The following SVEP1 variants were observed in gnomAD, a reference collection of about 807,000 sequenced individuals.
SVEP1 encodes sushi, von Willebrand factor type A, EGF and pentraxin domain-containing protein 1.
Under a neutral mutation model 367.3 loss-of-function variants are expected in SVEP1, and 164 were observed. That is an observed-to-expected ratio of 0.45 (90% CI 0.39 to 0.51). The LOEUF (loss-of-function observed/expected upper bound fraction) is 0.51, where lower values mean the gene tolerates loss of function less well. SVEP1 is among the 20% of genes least tolerant of loss of function. The pLI, the probability that SVEP1 is intolerant of heterozygous loss-of-function variation, is 0.00. For missense variants in SVEP1, 4,117 were observed against 4,425.3 expected (o/e 0.93, Z 1.98); for synonymous variants, 1,666 against 1,611.6 (o/e 1.03, Z -0.81).
chr9:110,517,406 T>C (rs1829818686), intron 3 of SVEP1, among the ~76,000 whole-genome samples: 1 of 152,008 alleles, frequency 6.6e-6, no homozygotes, highest in Non-Finnish European at 1.5e-5. Context: ...AAGACTGCCC[T>C]GGCCAACATG....
chr9:110,528,631 C>T (rs956496132), intron 3 of SVEP1, among the ~76,000 whole-genome samples: 2 of 151,604 alleles, frequency 1.3e-5, no homozygotes, highest in Non-Finnish European at 3.0e-5. Flanking sequence ...AGTTGATTGT[C>T]TACTTTTTAA....
intron 3 of SVEP1, among the ~76,000 whole-genome samples, chr9:110,531,937 A>G (rs1304989781): frequency 1.3e-5 from 2 of 152,136 alleles, no homozygotes; most frequent in African/African-American, 4.8e-5. Flanking sequence ...GCCACTTCCT[A>G]TTGTTGAACT....
intron 1 of SVEP1, among the ~76,000 whole-genome samples, chr9:110,552,880 A>C (rs538846905): frequency 1.1e-4 from 16 of 152,252 alleles, no homozygotes; most frequent in African/African-American, 3.4e-4. Context: ...TATTCCAGAG[A>C]GGTATAGCAG....
chr9:110,466,993 G>A (rs1356561017), intron 17 of SVEP1, among the ~76,000 whole-genome samples: 1 of 152,018 alleles, frequency 6.6e-6, no homozygotes, highest in African/African-American at 2.4e-5. Context: ...CTTTCTTTCT[G>A]CTTTTGACCT....
intron 9 of SVEP1, among the ~76,000 whole-genome samples, chr9:110,485,214 G>T (rs939843052): frequency 6.6e-6 from 1 of 152,182 alleles, no homozygotes; most frequent in Non-Finnish European, 1.5e-5. Flanking sequence ...ACTGGATAAA[G>T]AAATTGTGGT....
rs1830095233 is a variant in SVEP1 at position 110,537,714 on chromosome 9, T to C, written c.964+8401A>G. On this transcript the variant is annotated intron_variant, in intron 3 of 47. Transcript: ENST00000374469. The stretch of plus-strand genomic sequence containing the variant: ...TATAATATTTAGATTTTAGTAGGTA[T>C]ATTTGAAACTGATACAATAATTTTA... 2.0e-5 allele frequency among the ~76,000 whole-genome samples: 3 copies of C among 151,976 alleles called. No individual in the cohort carries two copies. In the South Asian group the frequency reaches 6.2e-4, roughly 31 times the overall value.
rs374900472 is a variant in SVEP1 at position 110,570,970 on chromosome 9, CTTTTT to C, written c.531+8038_531+8042del. The stretch of plus-strand genomic sequence containing the variant: ...AGACATATACTCTTCCAGATGGCTC[CTTTTT>C]TTTTTTTTTTTTTTTTTTTTGAGAC... On this transcript the variant is annotated intron_variant, in intron 1 of 47. Transcript: ENST00000374469. Among the ~76,000 whole-genome samples, 795 of 114,950 alleles carry C rather than the reference CTTTTT, an allele frequency of 6.9e-3. 7 individuals are homozygous for C. Among genetic ancestry groups the C allele is most frequent in the African/African-American group, 0.022 (693 of 32,210 alleles). 75.4% of individuals were successfully genotyped at this position (114,950 alleles called of 152,430 possible).
rs141298245 is a variant in SVEP1, at chr9:110,521,359, G to C, written c.965-7253C>G. On this transcript the variant is annotated intron_variant, in intron 3 of 47. Transcript: ENST00000374469. ...GAGTACAGACTATTTGGACAAAGTTGTGAATCTGAACCCTGATGTGGTGCC... is the reference window on the plus strand; with the variant it reads ...GAGTACAGACTATTTGGACAAAGTTCTGAATCTGAACCCTGATGTGGTGCC... 1.8e-4 allele frequency among the ~76,000 whole-genome samples: 28 copies of C among 152,274 alleles called. No homozygotes were observed. In the East Asian group the frequency reaches 3.3e-3, roughly 18 times the overall value.
intron 12 of SVEP1, among the ~76,000 whole-genome samples, chr9:110,480,737 C>T (rs78114899): frequency 0.028 from 4,256 of 151,970 alleles, 193 homozygotes; most frequent in African/African-American, 0.097. Context: ...GCTCAAGCGA[C>T]TTTCCCAACT....
At position 110,550,090 on chromosome 9, in the gene SVEP1, A is replaced by G; in HGVS notation, c.546T>C (p.His182=). The change falls in exon 2 of 48, where the codon CAT becomes CAC. Residue 182 remains histidine, a synonymous_variant. Coordinates refer to ENST00000374469, the MANE Select transcript of SVEP1 (RefSeq NM_153366.4). ...AFQQAAQILL[H]ARENSTKVVF... ...CAACTTTTGTTGAGTTTTCTCTAGC[A>G]TGAAGAAGAATTTGCTGTAATGAAA... The G allele has an allele frequency of 6.2e-7, 1 of 1,613,872 alleles. No homozygotes were observed. Among genetic ancestry groups the G allele is most frequent in the Non-Finnish European group, 8.5e-7 (1 of 1,179,724 alleles).
chr9:110,381,742 T>A (rs998940084), intron 43 of SVEP1, among the ~76,000 whole-genome samples: 7 of 152,198 alleles, frequency 4.6e-5, no homozygotes, highest in Non-Finnish European at 1.0e-4. Context: ...GTCCTGAATA[T>A]CCTTGTTAAT....
At chr9:110,573,568 T>A (rs1384453466) in intron 1 of SVEP1, among the ~76,000 whole-genome samples, 1 of 150,084 alleles carries the variant, frequency 6.7e-6, no homozygotes, top group Admixed American at 6.6e-5. Context: ...GAAAGCAGAT[T>A]TTTTTTTTTT....
intron 24 of SVEP1, among the ~76,000 whole-genome samples, chr9:110,448,973 G>C (rs1828649015): frequency 6.6e-6 from 1 of 152,180 alleles, no homozygotes; most frequent in Non-Finnish European, 1.5e-5. Flanking sequence ...GGGAAATGTT[G>C]CAATTGGGCT....
chr9:110,435,991 C>T (rs1392503584), intron 28 of SVEP1, among the ~76,000 whole-genome samples: 2 of 151,866 alleles, frequency 1.3e-5, no homozygotes, highest in East Asian at 1.9e-4. Context: ...GCCACTAGGT[C>T]GTATGTTGCT....
intron 3 of SVEP1, among the ~76,000 whole-genome samples, chr9:110,514,764 T>C (rs913320046): frequency 4.6e-5 from 7 of 151,892 alleles, no homozygotes; most frequent in African/African-American, 1.7e-4. Flanking sequence ...CCTCAATAGA[T>C]AAAAAAAACT....
Position 110,471,380 on chromosome 9 carries a change from C to T in SVEP1, c.2982G>A (p.Leu994=). The change falls in exon 16 of 48, where the codon CTG becomes CTA. Residue 994 remains leucine, a synonymous_variant. Transcript: ENST00000374469. ...CAGTCTTACCACACATACGCCCTCT[C>T]AGCACTGAGCCTGGTCTGCAGAAGG... The part of the protein sequence containing the change: ...ASPFCRPGSV[L]RGRMCVNCPL... 2 of 1,613,928 alleles carry T rather than the reference C, an allele frequency of 1.2e-6. No individual in the cohort carries two copies. Among genetic ancestry groups the T allele is most frequent in the Non-Finnish European group, 1.7e-6 (2 of 1,179,850 alleles).
intron 10 of SVEP1, among the ~76,000 whole-genome samples, chr9:110,483,296 C>T (rs1829195366): frequency 6.6e-6 from 1 of 152,126 alleles, no homozygotes; most frequent in African/African-American, 2.4e-5. Context: ...TCTAGAGCAA[C>T]ATAAGCTTGG....
chr9:110,393,751 C>T (rs1020187524), intron 40 of SVEP1, among the ~76,000 whole-genome samples: 14 of 152,226 alleles, frequency 9.2e-5, no homozygotes, highest in African/African-American at 2.4e-4. Flanking sequence ...CACAGAGTCT[C>T]ACTCATTGCT....
intron 1 of SVEP1, among the ~76,000 whole-genome samples, chr9:110,578,609 ATAACATAACTT>A (rs1357928290): frequency 1.3e-5 from 2 of 152,206 alleles, no homozygotes; most frequent in African/African-American, 4.8e-5. Flanking sequence ...CATTGAAAGC[ATAACATAACTT>A]TAAAAAGAAT....
Sources: gnomAD v4.1 joint callset for allele counts (sites outside exome capture counted in the v4.1 genomes callset) on GRCh38, gnomAD v4.1.1 for gene constraint, MANE v1.5 for transcripts, NCBI Gene and HGNC (gene_info 2026-07-23, HGNC 2026-07-21) for gene names.